The following ME3 variants were observed in gnomAD, a reference collection of about 807,000 sequenced individuals.
ME3 encodes the protein NADP-dependent malic enzyme, mitochondrial.
A neutral mutation model predicts 68.9 loss-of-function variants in ME3; 48 were observed. The ratio of observed to expected loss-of-function variants is 0.70; its 90% CI spans 0.55 to 0.89. The LOEUF (loss-of-function observed/expected upper bound fraction) is 0.89. Ranked by LOEUF, ME3 falls within the 40% of genes least tolerant of loss-of-function variation. ME3 has a pLI of 0.00. For synonymous variants in ME3, 320 were observed against 318.8 expected (o/e 1.00, Z -0.04); for missense variants, 675 against 797.4 (o/e 0.85, Z 1.85).
intron 8 of ME3, among the ~76,000 whole-genome samples, chr11:86,453,887 T>A (rs1949774701): frequency 6.6e-6 from 1 of 152,244 alleles, no homozygotes; most frequent in South Asian, 2.1e-4. Flanking sequence ...ACCTCCTCTT[T>A]CCTTTGTTCC....
At chr11:86,536,130 GC>G (rs1319609402) in intron 4 of ME3, among the ~76,000 whole-genome samples, 1 of 152,156 alleles carries the variant, frequency 6.6e-6, no homozygotes, top group Non-Finnish European at 1.5e-5. Flanking sequence ...GTGGAAGGGG[GC>G]TGCCTTGTCT....
chr11:86,465,262 C>T, intron 7 of ME3, 62 bp from the exon 8 acceptor site: 3 of 1,286,912 alleles, frequency 2.3e-6, no homozygotes, highest in Non-Finnish European at 3.4e-6. Flanking sequence ...CTGACAGATC[C>T]CAGCTTGCAC....
chr11:86,594,800 G>T (rs1033654349), intron 2 of ME3, among the ~76,000 whole-genome samples: 2 of 146,964 alleles, frequency 1.4e-5, no homozygotes. Flanking sequence ...CCAAAGCAGG[G>T]ATGGCAAGAG....
chr11:86,533,408 T>A (rs1955404386), intron 4 of ME3, among the ~76,000 whole-genome samples: 1 of 152,200 alleles, frequency 6.6e-6, no homozygotes, highest in Non-Finnish European at 1.5e-5. Context: ...AATGGATGAA[T>A]TCTTGGCAAC....
chr11:86,536,625 G>C (rs1955681200), intron 4 of ME3, among the ~76,000 whole-genome samples: 1 of 145,018 alleles, frequency 6.9e-6, no homozygotes, highest in South Asian at 2.3e-4. Flanking sequence ...TCATTAAAAA[G>C]TCAGGAAACA....
At chr11:86,550,058 A>G (rs529361992) in intron 4 of ME3, among the ~76,000 whole-genome samples, 6 of 152,286 alleles carry the variant, frequency 3.9e-5, no homozygotes, top group Admixed American at 3.9e-4. Flanking sequence ...CTGGCTGCCC[A>G]TTAGAGTCCT....
At chr11:86,475,310 T>G (rs1297376651) in intron 7 of ME3, among the ~76,000 whole-genome samples, 1 of 152,180 alleles carries the variant, frequency 6.6e-6, no homozygotes, top group African/African-American at 2.4e-5. Context: ...TGTTCCTGTT[T>G]TCACCATGTG....
intron 11 of ME3, 102 bp from the exon 12 acceptor site, chr11:86,447,309 C>T (rs541353035): frequency 2.2e-5 from 32 of 1,456,206 alleles, no homozygotes; most frequent in Middle Eastern, 2.2e-4. Flanking sequence ...ATGAAAGACT[C>T]GGTCTTGGGC....
chr11:86,623,777 G>A (rs1943491673), intron 2 of ME3, among the ~76,000 whole-genome samples: 1 of 152,182 alleles, frequency 6.6e-6, no homozygotes, highest in Non-Finnish European at 1.5e-5. Flanking sequence ...CAGTTCGGTA[G>A]CAAGCAATAA....
intron 2 of ME3, among the ~76,000 whole-genome samples, chr11:86,564,816 C>A (rs75147018): frequency 0.024 from 3,723 of 152,008 alleles, 61 homozygotes; most frequent in Middle Eastern, 0.041. Context: ...ACCAAAAGGG[C>A]TAGCAACAAA....
At chr11:86,634,395 G>T (rs1286870436) in intron 2 of ME3, among the ~76,000 whole-genome samples, 3 of 152,168 alleles carry the variant, frequency 2.0e-5, no homozygotes, top group Non-Finnish European at 4.4e-5. Flanking sequence ...GTCAGCTAAT[G>T]GTCAGCATGC....
At chr11:86,458,766 G>C (rs1021057835) in intron 8 of ME3, among the ~76,000 whole-genome samples, 3 of 152,080 alleles carry the variant, frequency 2.0e-5, no homozygotes, top group African/African-American at 7.2e-5. Flanking sequence ...GAGGGCAGTT[G>C]ACCCCCGACA....
At chr11:86,527,211 G>A (rs899785974) in intron 4 of ME3, among the ~76,000 whole-genome samples, 4 of 152,200 alleles carry the variant, frequency 2.6e-5, no homozygotes, top group African/African-American at 7.2e-5. Context: ...AGAACTACGT[G>A]ACGAATGCAC....
chr11:86,621,201 A>G (rs139586853), intron 2 of ME3, among the ~76,000 whole-genome samples: 85 of 152,330 alleles, frequency 5.6e-4, no homozygotes, highest in Middle Eastern at 6.8e-3. Flanking sequence ...AACTTGAAAT[A>G]TTTATTTCCT....
In ME3 at chr11:86,481,742, C is replaced by T. The variant is rs548372548; in HGVS notation, c.809+5595G>A. On this transcript the variant is annotated intron_variant, in intron 7 of 14. Transcript: ENST00000543262. ...AATAACCCAGAGCCTCCTTTAGCCTCGGAGTTGCTATTTAGTTGTGGGAGT... is the reference window on the plus strand; with the variant it reads ...AATAACCCAGAGCCTCCTTTAGCCTTGGAGTTGCTATTTAGTTGTGGGAGT... Among the ~76,000 whole-genome samples the T allele has an allele frequency of 7.9e-5, 12 of 152,310 alleles. No homozygotes were observed. In the East Asian group the frequency reaches 1.9e-3, roughly 24 times the overall value.
chr11:86,483,134 T>A (rs1951506672), intron 7 of ME3, among the ~76,000 whole-genome samples: 1 of 152,172 alleles, frequency 6.6e-6, no homozygotes, highest in Non-Finnish European at 1.5e-5. Flanking sequence ...GTAAATCTGA[T>A]CAGGGCACAG....
intron 2 of ME3, among the ~76,000 whole-genome samples, chr11:86,661,894 G>T (rs1433036482): frequency 2.0e-5 from 3 of 151,150 alleles, no homozygotes; most frequent in Non-Finnish European, 4.4e-5. Flanking sequence ...ATTGACCACG[G>T]TGTCTCCACT....
At chr11:86,638,211 A>G (rs1944462456) in intron 2 of ME3, among the ~76,000 whole-genome samples, 1 of 152,140 alleles carries the variant, frequency 6.6e-6, no homozygotes, top group South Asian at 2.1e-4. Context: ...AGGTGATTAA[A>G]TACTGCCTGT....
At chr11:86,525,102 ACAGT>A (rs1273964354) in intron 4 of ME3, among the ~76,000 whole-genome samples, 1 of 152,226 alleles carries the variant, frequency 6.6e-6, no homozygotes, top group Non-Finnish European at 1.5e-5. Context: ...TTCAGAGCAG[ACAGT>A]CAGACAGACT....
Sources: allele counts gnomAD v4.1 joint callset (sites outside exome capture counted in the v4.1 genomes callset), GRCh38; gene constraint gnomAD v4.1.1; transcripts MANE v1.5; gene names NCBI Gene and HGNC (gene_info 2026-07-23, HGNC 2026-07-21).